Variants in PKD1 observed in about 807,000 individuals in gnomAD.
PKD1 encodes polycystin 1, transient receptor potential channel interacting.
Under a neutral mutation model 361.7 loss-of-function variants are expected in PKD1, and 81 were observed. The observed-to-expected ratio is 0.22, with a 90% CI of 0.19 to 0.27. PKD1 has a LOEUF of 0.27. Ranked by LOEUF, PKD1 falls within the 10% of genes least tolerant of loss-of-function variation. The probability of loss-of-function intolerance (pLI) is 1.00; values close to 1 mark genes in which losing one functional copy is unlikely to be tolerated. For synonymous variants in PKD1, 3,615 were observed against 2,818.3 expected (o/e 1.28, Z -8.95); for missense variants, 6,399 against 6,118.3 (o/e 1.05, Z -1.53).
Position 2,135,563 on chromosome 16 carries a change from G to C in PKD1, c.127C>G (p.Pro43Ala), listed in dbSNP as rs1114167365. Residue 43 changes from proline to alanine, a missense_variant, in exon 1 of 46, where the codon CCC becomes GCC. Physicochemically the swap from Pro to Ala is conservative, Grantham distance 27. Transcript: ENST00000262304. ...CAGTTGACGCGGCAGGCGGCGCCGGGCGCTGGGCCGCAGAGGCAGGGGGGC... is the reference window on the plus strand; with the variant it reads ...CAGTTGACGCGGCAGGCGGCGCCGGCCGCTGGGCCGCAGAGGCAGGGGGGC... ...CEPPCLCGPA[P>A]GAACRVNCSG... 44 of 1,111,694 alleles carry C rather than the reference G, an allele frequency of 4.0e-5. 1 individual carries two copies. Among genetic ancestry groups the C allele is most frequent in the South Asian group, 8.6e-5 (2 of 23,220 alleles). The allele number at this position is 1,111,694 out of a possible 1,614,324, so 68.9% of individuals were successfully genotyped here. A position where few individuals can be genotyped will look rare whatever the true frequency, so the allele number is the denominator to read the frequency against.
chr16:2,090,870 G>A lies in PKD1; in HGVS notation c.12003+14C>T, dbSNP rs779536802. On this transcript the variant is annotated intron_variant, in intron 43 of 45. Coordinates refer to ENST00000262304, the MANE Select transcript of PKD1 (RefSeq NM_001009944.3). Reference sequence around the variant, plus strand: ...GTGTGCGCCCAGCCCCGCGCCCACCGGCCCAGCCCTCACCTTGACCAAAAG... The same window carrying A: ...GTGTGCGCCCAGCCCCGCGCCCACCAGCCCAGCCCTCACCTTGACCAAAAG... The A allele has an allele frequency of 1.7e-5, 27 of 1,606,144 alleles. No individual in the cohort carries two copies. Among genetic ancestry groups the A allele is most frequent in the Middle Eastern group, 1.6e-4 (1 of 6,082 alleles).
intron 11 of PKD1, chr16:2,113,743 C>G (rs926299252): frequency 1.1e-5 from 4 of 361,140 alleles, no homozygotes; most frequent in African/African-American, 4.2e-5. Context: ...AGGCAGGTAC[C>G]CGCAAGATGG....
chr16:2,125,055 G>A (rs2092777301), intron 1 of PKD1, among the ~76,000 whole-genome samples: 1 of 152,240 alleles, frequency 6.6e-6, no homozygotes, highest in Non-Finnish European at 1.5e-5. Context: ...CACCCCCACT[G>A]CGGCCCCTTC....
At position 2,105,951 on chromosome 16, in the gene PKD1, C is replaced by G. The variant is rs760879762; in HGVS notation, c.7777G>C (p.Ala2593Pro). 1.0e-5 allele frequency: 16 copies of G among 1,599,128 alleles called. No individual in the cohort carries two copies. The highest frequency in any genetic ancestry group is 1.4e-5 in the Non-Finnish European group (16 of 1,179,588). Reference sequence around the variant, plus strand: ...CGCAGCAGCCCTGGGAGCACACTAGCGGTGAGCCCGTGCAGCCAGACTGTG... The same window carrying G: ...CGCAGCAGCCCTGGGAGCACACTAGGGGTGAGCCCGTGCAGCCAGACTGTG... Reference protein sequence around the residue: ...GLTVWLHGLTASVLPGLLRQA... With the variant: ...GLTVWLHGLTPSVLPGLLRQA... The change falls in exon 20 of 46, where the codon GCT becomes CCT. Residue 2593 changes from alanine to proline, a missense_variant. Ala to Pro is a conservative substitution (Grantham distance 27). Transcript: ENST00000262304.
At chr16:2,104,211 A>AAGGGGGATGAGGGAGGGGAAGGGGGATG (rs1567179248) in intron 22 of PKD1, among the ~76,000 whole-genome samples, 2 of 16,658 alleles carry the variant, frequency 1.2e-4, no homozygotes, top group Non-Finnish European at 2.1e-4. Flanking sequence ...AAGGGAGGGG[A>AAGGGGGATGAGGGAGGGGAAGGGGGATG]AGGGGGATGA....
At chr16:2,117,766 AG>A (rs1235918571) in intron 5 of PKD1, 24 bp downstream of exon 5, 1 of 1,074,068 alleles carries the variant, frequency 9.3e-7, no homozygotes, top group African/African-American at 1.6e-5. Context: ...CTGGGGAGGA[AG>A]GGGAGTGGGC....
Position 2,090,319 on chromosome 16 carries a change from A to G in PKD1, c.12410T>C (p.Leu4137Pro), listed in dbSNP as rs2091434869. 2 of 1,611,562 alleles carry G rather than the reference A, an allele frequency of 1.2e-6. No homozygotes were observed. Among genetic ancestry groups the G allele is most frequent in the African/African-American group, 2.7e-5 (2 of 74,876 alleles). The stretch of plus-strand genomic sequence containing the variant: ...CTTGCTGAGGCCCATCCAGAGGCGC[A>G]GCCTGCGCAGGAACAACTCCACCAT... ...YEMVELFLRR[L>P]RLWMGLSKVK... Residue 4137 changes from leucine (L) to proline (P), a missense_variant, in exon 45 of 46, where the codon CTG becomes CCG. Transcript: ENST00000262304.
At position 2,109,888 on chromosome 16, in the gene PKD1, C is replaced by G. The variant is rs1596555896; in HGVS notation, c.5279G>C (p.Trp1760Ser). 1 of 1,610,580 alleles carries G rather than the reference C, an allele frequency of 6.2e-7. No individual in the cohort carries two copies. Residue 1760 changes from tryptophan to serine, a missense_variant, in exon 15 of 46, where the codon TGG becomes TCG. By Grantham distance (177) the Trp-to-Ser change is radical. Coordinates refer to ENST00000262304, the MANE Select transcript of PKD1 (RefSeq NM_001009944.3). The stretch of plus-strand genomic sequence containing the variant: ...GGTGGTAAATGGCTCGGAGGTCTCC[C>G]AGCTCAGCCCCTCCTCCAAGGACCA... ...YTWSLEEGLS[W>S]ETSEPFTTHS...
chr16:2,099,512 T>C (rs1274186032), intron 30 of PKD1, 132 bp downstream of exon 30: 13 of 738,482 alleles, frequency 1.8e-5, no homozygotes, highest in Admixed American at 8.0e-5. Context: ...CTCAAGTGTG[T>C]TGACCCTTCC....
chr16:2,099,970 G>A lies in PKD1; in HGVS notation c.9814C>T (p.Arg3272Cys), dbSNP rs143453080. The change falls in exon 29 of 46, where the codon CGT (arginine) becomes TGT (cysteine). Residue 3272 changes from arginine to cysteine, a missense_variant. Coordinates refer to ENST00000262304, the MANE Select transcript of PKD1 (RefSeq NM_001009944.3). ...CTCTGGATGCGAGTGAAACGGCTAC[G>A]AGGCGGCCGGTCCCATATGGAGAGC... is the stretch of plus-strand genomic sequence containing the variant. ...IWLSIWDRPP[R>C]SRFTRIQRAT... 3.8e-5 allele frequency: 59 copies of A among 1,563,146 alleles called. No individual in the cohort carries two copies. The highest frequency in any genetic ancestry group is 2.3e-4 in the Middle Eastern group (1 of 4,390).
Position 2,090,780 on chromosome 16 carries a change from T to C in PKD1, c.12032A>G (p.Gln4011Arg). The change falls in exon 44 of 46, where the codon CAG becomes CGG. Residue 4011 changes from glutamine (Q) to arginine (R), a missense_variant. Physicochemically the swap from Gln to Arg is conservative, Grantham distance 43. Transcript: ENST00000262304. ...TAATGTCTTGCCAAAGACGGACCAC[T>C]GGCGCACGAAGCGTAGCTGCTGGGC... is the stretch of plus-strand genomic sequence containing the variant. The part of the protein sequence containing the change: ...KAAQQLRFVR[Q>R]WSVFGKTLCR... 1 of 1,612,552 alleles carries C rather than the reference T, an allele frequency of 6.2e-7. No homozygotes were observed. The highest frequency in any genetic ancestry group is 8.5e-7 in the Non-Finnish European group (1 of 1,179,952).
rs1160351777 is a variant in PKD1, at chr16:2,133,856, C to G, written c.215+1619G>C. On this transcript the variant is annotated intron_variant, in intron 1 of 45. Coordinates refer to ENST00000262304, the MANE Select transcript of PKD1 (RefSeq NM_001009944.3). ...CTCCTCCAAACCCCAGGACCAGAGC[C>G]TAAGAGGACAACACAAGGCAGGGGC... is the stretch of plus-strand genomic sequence containing the variant. 2.6e-5 allele frequency among the ~76,000 whole-genome samples: 4 copies of G among 152,026 alleles called. No individual in the cohort carries two copies. In the East Asian group the frequency reaches 7.7e-4, roughly 29 times the overall value.
In PKD1 at chr16:2,089,909, G is replaced by A. The variant is rs760917525; in HGVS notation, c.12730C>T (p.His4244Tyr). The change falls in exon 46 of 46, where the codon CAC (histidine) becomes TAC (tyrosine). Residue 4244 changes from histidine to tyrosine, a missense_variant. Transcript: ENST00000262304. ...EDVYQLEQQL[H>Y]SLQGRRSSRA... ...CTGCTCCTGCGGCCTTGCAGGCTGT[G>A]CAGCTGCTGCTCCAGCTGGTAGACG... The A allele has an allele frequency of 3.1e-6, 5 of 1,611,796 alleles. No homozygotes were observed. Among genetic ancestry groups the A allele is most frequent in the East Asian group, 2.2e-5 (1 of 44,858 alleles).
At chr16:2,127,200 C>T (rs1022927731) in intron 1 of PKD1, among the ~76,000 whole-genome samples, 17 of 152,216 alleles carry the variant, frequency 1.1e-4, no homozygotes, top group African/African-American at 3.6e-4. Flanking sequence ...CACATCAGGG[C>T]GGGCACTGAG....
chr16:2,101,596 C>T (rs968796491), intron 26 of PKD1, among the ~76,000 whole-genome samples: 1 of 152,188 alleles, frequency 6.6e-6, no homozygotes, highest in Non-Finnish European at 1.5e-5. Context: ...CCAGCCTGGG[C>T]AACAGAGTGA....
chr16:2,088,866 C>CGT lies in PKD1; in HGVS notation c.*860_*861insAC, dbSNP rs1555442378. 4.6e-5 allele frequency: 23 copies of CGT among 505,158 alleles called. 1 individual carries two copies. In the African/African-American group the frequency reaches 4.6e-4, roughly 10 times the overall value. The allele number at this position is 505,158 out of a possible 1,614,324, so 31.3% of individuals were successfully genotyped here. A position where few individuals can be genotyped will look rare whatever the true frequency, so the allele number is the denominator to read the frequency against. On this transcript the variant is annotated 3_prime_UTR_variant, in exon 46 of 46. Coordinates refer to ENST00000262304, the MANE Select transcript of PKD1 (RefSeq NM_001009944.3). The stretch of plus-strand genomic sequence containing the variant: ...GGCTGCCTGGGCCATACAGCACACT[C>CGT]GCGCGTGCGCGCGCGCACACACACA...
chr16:2,116,224 C>A, intron 8 of PKD1, 106 bp from the exon 9 acceptor site: 7 of 1,194,492 alleles, frequency 5.9e-6, no homozygotes, highest in East Asian at 2.5e-5. Flanking sequence ...GGAGAGCGAG[C>A]CATCAGACCC....
chr16:2,088,787 A>C lies in PKD1; in HGVS notation c.*940T>G, dbSNP rs1376991469. 2.3e-6 allele frequency: 2 copies of C among 857,268 alleles called. No homozygotes were observed. Among genetic ancestry groups the C allele is most frequent in the South Asian group, 1.8e-5 (1 of 56,848 alleles). 53.1% of individuals were successfully genotyped at this position (857,268 alleles called of 1,614,324 possible). On this transcript the variant is annotated 3_prime_UTR_variant, in exon 46 of 46. Coordinates refer to ENST00000262304, the MANE Select transcript of PKD1 (RefSeq NM_001009944.3). The stretch of plus-strand genomic sequence containing the variant: ...GGGTGTCGAGGCTCTAGAAGCGGCC[A>C]TGCCCACAGAAGTGGTACACAGAAG...
chr16:2,088,902 C>A lies in PKD1; in HGVS notation c.*825G>T, dbSNP rs988846621. 1 of 416,106 alleles carries A rather than the reference C, an allele frequency of 2.4e-6. No homozygotes were observed. The highest frequency in any genetic ancestry group is 4.2e-5 in the Admixed American group (1 of 23,970). The allele number at this position is 416,106 out of a possible 1,614,324, so 25.8% of individuals were successfully genotyped here. On this transcript the variant is annotated 3_prime_UTR_variant, in exon 46 of 46. Transcript: ENST00000262304. ...GCGCGCACACACACACACACACAGT[C>A]ACCTTCCTCCACCCTGGGAGCCAGC... is the stretch of plus-strand genomic sequence containing the variant.
Sources: gnomAD v4.1 joint callset for allele counts (sites outside exome capture counted in the v4.1 genomes callset) on GRCh38, gnomAD v4.1.1 for gene constraint, MANE v1.5 for transcripts, NCBI Gene and HGNC (gene_info 2026-07-23, HGNC 2026-07-21) for gene names.